Variants in RNF157 observed in about 807,000 individuals in gnomAD.
RNF157 encodes ring finger protein 157.
In RNF157, 55 loss-of-function variants were observed where a neutral mutation model predicts 88.3. The ratio of observed to expected loss-of-function variants is 0.62; its 90% CI spans 0.50 to 0.78. RNF157 has a LOEUF of 0.78. RNF157 is among the 30% of genes least tolerant of loss of function. The pLI is 0.00. For missense variants in RNF157, 788 were observed against 860.8 expected (o/e 0.92, Z 1.06); for synonymous variants, 334 against 341.2 (o/e 0.98, Z 0.23).
intron 2 of RNF157, among the ~76,000 whole-genome samples, chr17:76,207,808 C>T (rs1455208281): frequency 1.3e-5 from 2 of 152,210 alleles, no homozygotes; most frequent in African/African-American, 4.8e-5. Flanking sequence ...TTCCCCTAAA[C>T]AAGCATGTTG....
chr17:76,214,344 G>C (rs2069852580), intron 1 of RNF157, among the ~76,000 whole-genome samples: 1 of 152,138 alleles, frequency 6.6e-6, no homozygotes, highest in Admixed American at 6.5e-5. Context: ...TGAGTGTATA[G>C]GAGAAACTGA....
Position 76,160,833 on chromosome 17 carries a change from TC to T in RNF157, c.1065+701del, listed in dbSNP as rs1189702428. On this transcript the variant is annotated intron_variant, in intron 11 of 18. Coordinates refer to ENST00000269391, the MANE Select transcript of RNF157 (RefSeq NM_052916.3). This position sits in a 1 kb window ranked among gnomAD's most constrained non-coding sequence, Gnocchi z 4.3. ...AACTAAATAATCATCTATAATTTAT[TC>T]TAGATTTTGAATGTTTTGCTTGGTT... 6.6e-6 allele frequency among the ~76,000 whole-genome samples: 1 copy of T among 151,930 alleles called. No homozygotes were observed. Among genetic ancestry groups the T allele is most frequent in the African/African-American group, 2.4e-5 (1 of 41,446 alleles).
chr17:76,231,536 G>C (rs1189336768), intron 1 of RNF157, among the ~76,000 whole-genome samples: 2 of 152,104 alleles, frequency 1.3e-5, no homozygotes, highest in East Asian at 1.9e-4. Context: ...AACCTCAGGT[G>C]ATCTTCTGGC....
At chr17:76,224,087 A>G (rs1041616015) in intron 1 of RNF157, among the ~76,000 whole-genome samples, 3 of 152,202 alleles carry the variant, frequency 2.0e-5, no homozygotes, top group Non-Finnish European at 4.4e-5. Context: ...TACCCTATCA[A>G]TGGCAATTTT....
chr17:76,159,211 G>A, intron 12 of RNF157, 124 bp downstream of exon 12: 4 of 797,036 alleles, frequency 5.0e-6, no homozygotes, highest in South Asian at 3.1e-5. Flanking sequence ...CACGCAAGCA[G>A]CTCTGGGAAC....
At chr17:76,172,562 G>A (rs1001025818) in intron 3 of RNF157, among the ~76,000 whole-genome samples, 58 of 140,294 alleles carry the variant, frequency 4.1e-4, no homozygotes, top group African/African-American at 1.4e-3. Flanking sequence ...AGCCGAGATC[G>A]TGCCATTGCA....
chr17:76,185,645 A>G (rs977415690), intron 2 of RNF157, among the ~76,000 whole-genome samples: 1 of 151,374 alleles, frequency 6.6e-6, no homozygotes, highest in African/African-American at 2.4e-5. Flanking sequence ...AATTTTTTGT[A>G]TTTTCAGTAG....
chr17:76,180,401 A>G (rs1422275046), intron 2 of RNF157, among the ~76,000 whole-genome samples: 1 of 152,218 alleles, frequency 6.6e-6, no homozygotes, highest in Non-Finnish European at 1.5e-5. Context: ...CTAACCAGAA[A>G]ACTCTGCCAA....
chr17:76,206,180 G>A (rs1204413273), intron 2 of RNF157, among the ~76,000 whole-genome samples: 6 of 152,136 alleles, frequency 3.9e-5, no homozygotes, highest in Non-Finnish European at 7.4e-5. Flanking sequence ...GCAGTGAGCT[G>A]TAGTTGTGCC....
At chr17:76,172,111 T>C in intron 3 of RNF157, among the ~76,000 whole-genome samples, 1 of 152,134 alleles carries the variant, frequency 6.6e-6, no homozygotes, top group East Asian at 1.9e-4. Context: ...GAGTTGACCC[T>C]GGGGTGGAGA....
intron 1 of RNF157, chr17:76,226,831 G>C (rs2070096816): frequency 3.4e-6 from 5 of 1,490,272 alleles, no homozygotes; most frequent in Middle Eastern, 2.5e-4. Context: ...CTGGAATCGA[G>C]TAATGTGCTT....
At chr17:76,238,099 A>T (rs1245569003) in intron 1 of RNF157, among the ~76,000 whole-genome samples, 1 of 152,094 alleles carries the variant, frequency 6.6e-6, no homozygotes, top group Non-Finnish European at 1.5e-5. Flanking sequence ...AAAAAAAAAA[A>T]AAAATTAAAC....
rs2070091001 is a variant in RNF157 at position 76,226,602 on chromosome 17, T to C, written c.88+13551A>G. The C allele has an allele frequency of 2.4e-5, 39 of 1,613,394 alleles. No homozygotes were observed. The South Asian group carries it at 4.0e-4, about 16-fold the overall frequency. On this transcript the variant is annotated intron_variant, in intron 1 of 18. Coordinates refer to ENST00000269391, the MANE Select transcript of RNF157 (RefSeq NM_052916.3). ...TCCTCCTTGCTGTTGTTGGAGGGAC[T>C]GACCAACCCATCCACAGTCAGCCAT...
At chr17:76,179,497 G>A (rs561905641) in intron 2 of RNF157, among the ~76,000 whole-genome samples, 18 of 152,024 alleles carry the variant, frequency 1.2e-4, no homozygotes, top group Non-Finnish European at 2.2e-4. Flanking sequence ...CTTTGAGACC[G>A]GCCTGGCCAA....
At chr17:76,226,812 G>A (rs190128081) in intron 1 of RNF157, 258 of 1,535,294 alleles carry the variant, frequency 1.7e-4, no homozygotes, top group Admixed American at 6.7e-4. Flanking sequence ...GTCATGTTGC[G>A]GTGCTTTGCT....
intron 1 of RNF157, chr17:76,226,023 C>T (rs1195670340): frequency 2.7e-5 from 44 of 1,611,192 alleles, no homozygotes; most frequent in Admixed American, 5.0e-5. Flanking sequence ...CCAGGAGGAT[C>T]GTAAGGTTTG....
At chr17:76,164,042 G>C (rs2068884835) in intron 8 of RNF157, 1 of 152,206 alleles carries the variant, frequency 6.6e-6, no homozygotes, top group Non-Finnish European at 1.5e-5. Context: ...GCTTTTCTTT[G>C]CATCTCGAGG....
chr17:76,216,063 G>A (rs1035711883), intron 1 of RNF157, among the ~76,000 whole-genome samples: 1 of 152,110 alleles, frequency 6.6e-6, no homozygotes, highest in Non-Finnish European at 1.5e-5. Context: ...TATGCATCAG[G>A]AATTATACAT....
At chr17:76,212,304 T>C in intron 2 of RNF157, 60 bp downstream of exon 2, 1 of 1,194,330 alleles carries the variant, frequency 8.4e-7, no homozygotes. Flanking sequence ...CTTATTTTTG[T>C]TACATTTTTT....
Sources: gnomAD v4.1 joint callset for allele counts (sites outside exome capture counted in the v4.1 genomes callset) on GRCh38, gnomAD v4.1.1 for gene constraint, Gnocchi (gnomAD v3.1) non-coding constraint, MANE v1.5 for transcripts, NCBI Gene and HGNC (gene_info 2026-07-23, HGNC 2026-07-21) for gene names.